The following CHID1 variants were observed in gnomAD, a reference collection of about 807,000 sequenced individuals.
The protein encoded by CHID1 is chitinase domain containing 1, also known as chitinase domain-containing protein 1.
A neutral mutation model predicts 55.4 loss-of-function variants in CHID1; 44 were observed. That is an observed-to-expected ratio of 0.79 (90% CI 0.62 to 1.02). CHID1 has a LOEUF of 1.02. Ranked by LOEUF, CHID1 falls within the 50% of genes least tolerant of loss-of-function variation. The pLI is 0.00. For synonymous variants in CHID1, 216 were observed against 212.9 expected (o/e 1.01, Z -0.13); for missense variants, 491 against 515.3 (o/e 0.95, Z 0.46).
At position 869,917 on chromosome 11, in the gene CHID1, C is replaced by A. The variant is rs556045828; in HGVS notation, c.1123G>T (p.Val375Phe). 6.2e-7 allele frequency: 1 copy of A among 1,612,814 alleles called. No homozygotes were observed. Among genetic ancestry groups the A allele is most frequent in the Non-Finnish European group, 8.5e-7 (1 of 1,179,878 alleles). ...VRLELARELGVGVSIWELGQG... is the reference protein window; with the variant it reads ...VRLELARELGFGVSIWELGQG... ...CCCAGCTCCCAGATAGAGACCCCAACGCCCAGCTCCCGGGCCAGCTCCAGC... is the reference window on the plus strand; with the variant it reads ...CCCAGCTCCCAGATAGAGACCCCAAAGCCCAGCTCCCGGGCCAGCTCCAGC... The change falls in exon 13 of 13, where the codon GTT becomes TTT. Residue 375 changes from valine to phenylalanine, a missense_variant. Coordinates refer to ENST00000323578, the MANE Select transcript of CHID1 (RefSeq NM_023947.4).
chr11:889,164 G>A (rs559971230), intron 8 of CHID1, among the ~76,000 whole-genome samples: 9 of 152,236 alleles, frequency 5.9e-5, no homozygotes, highest in African/African-American at 1.9e-4. Context: ...CCAGAACAGC[G>A]TCCTCCCAGA....
intron 8 of CHID1, among the ~76,000 whole-genome samples, chr11:887,608 T>C (rs1850494981): frequency 6.6e-6 from 1 of 152,228 alleles, no homozygotes; most frequent in African/African-American, 2.4e-5. Flanking sequence ...GGCTCCTACT[T>C]TGCCAATCTC....
chr11:914,649 G>T, upstream of CHID1: 1 of 994,878 alleles, frequency 1.0e-6, no homozygotes, highest in Non-Finnish European at 1.4e-6. Context: ...CTTGAGCCCA[G>T]GACATCAAGG....
intron 1 of CHID1, among the ~76,000 whole-genome samples, chr11:908,939 A>G (rs1370018775): frequency 1.3e-5 from 2 of 152,224 alleles, no homozygotes; most frequent in Admixed American, 6.5e-5. Flanking sequence ...AGCAGAGGGG[A>G]CACTAGGAGA....
upstream of CHID1, among the ~76,000 whole-genome samples, chr11:913,474 C>G (rs1347763684): frequency 6.6e-6 from 1 of 151,828 alleles, no homozygotes; most frequent in African/African-American, 2.4e-5. Context: ...TGCAGAAGCC[C>G]CTTTAAAGTG....
chr11:910,948 G>A (rs557504101), upstream of CHID1: 3 of 403,378 alleles, frequency 7.4e-6, no homozygotes, highest in Non-Finnish European at 1.0e-5. Flanking sequence ...CGGGGCCGGG[G>A]CCGGGGCCGG....
intron 8 of CHID1, among the ~76,000 whole-genome samples, 178 bp from the exon 9 acceptor site, chr11:884,347 G>A (rs1850238126): frequency 6.6e-6 from 1 of 152,160 alleles, no homozygotes; most frequent in Admixed American, 6.5e-5. Flanking sequence ...CTGGGGGCTG[G>A]GAGACACAGG....
rs1434130700 is a variant in CHID1 at position 909,409 on chromosome 11, C to G, written c.-44+1366G>C. Among the ~76,000 whole-genome samples, 3 of 152,234 alleles carry G rather than the reference C, an allele frequency of 2.0e-5. No individual in the cohort carries two copies. The East Asian group carries it at 5.8e-4, about 29-fold the overall frequency. ...TGGTCACCCAAAGGGGTCCCAGAAACCGCTCTGTAACAAGATAAGGTGGAG... is the reference window on the plus strand; with the variant it reads ...TGGTCACCCAAAGGGGTCCCAGAAAGCGCTCTGTAACAAGATAAGGTGGAG... On this transcript the variant is annotated intron_variant, in intron 1 of 12. Coordinates refer to ENST00000323578, the MANE Select transcript of CHID1 (RefSeq NM_023947.4).
chr11:881,838 C>T (rs986255698), intron 10 of CHID1, among the ~76,000 whole-genome samples: 4 of 150,452 alleles, frequency 2.7e-5, no homozygotes, highest in South Asian at 2.1e-4. Context: ...CCTGTCTCTA[C>T]AAAAAAAATA....
chr11:884,522 A>G (rs1474379795), intron 8 of CHID1, among the ~76,000 whole-genome samples: 1 of 152,094 alleles, frequency 6.6e-6, no homozygotes, highest in African/African-American at 2.4e-5. Context: ...GGTTGCTGAG[A>G]TGGAGGTGAC....
upstream of CHID1, among the ~76,000 whole-genome samples, chr11:913,756 G>C (rs1272956950): frequency 1.4e-5 from 2 of 144,114 alleles, no homozygotes; most frequent in African/African-American, 5.2e-5. Context: ...CTGGGCAACA[G>C]AGTGAGACTC....
Position 873,763 on chromosome 11 carries a change from C to A in CHID1, c.960-3264G>T, listed in dbSNP as rs551244609. The stretch of plus-strand genomic sequence containing the variant: ...GCACAGGGCTTCTTTTTTTGGGGAG[C>A]AGTAATGCGGGCTGTACAATTCTGG... On this transcript the variant is annotated intron_variant, in intron 10 of 12. Coordinates refer to ENST00000323578, the MANE Select transcript of CHID1 (RefSeq NM_023947.4). Among the ~76,000 whole-genome samples, 3 of 152,062 alleles carry A rather than the reference C, an allele frequency of 2.0e-5. No individual in the cohort carries two copies. The South Asian group carries it at 6.3e-4, about 32-fold the overall frequency.
At chr11:878,897 A>T (rs1849699697) in intron 10 of CHID1, among the ~76,000 whole-genome samples, 1 of 151,722 alleles carries the variant, frequency 6.6e-6, no homozygotes, top group Non-Finnish European at 1.5e-5. Context: ...CCCAGGCTGG[A>T]GTGCAGTGGT....
At chr11:879,571 G>A (rs879102505) in intron 10 of CHID1, among the ~76,000 whole-genome samples, 1 of 41,006 alleles carries the variant, frequency 2.4e-5, no homozygotes, top group African/African-American at 1.3e-4. Context: ...CCTGGGAGGA[G>A]CCGACCCCAC....
intron 7 of CHID1, 146 bp from the exon 8 acceptor site, chr11:893,665 T>C: frequency 1.6e-6 from 1 of 613,794 alleles, no homozygotes; most frequent in Non-Finnish European, 2.9e-6. Flanking sequence ...TCGTGGGAAC[T>C]TCCTATCCAT....
chr11:892,284 A>G (rs1850899353), intron 8 of CHID1, among the ~76,000 whole-genome samples: 1 of 152,146 alleles, frequency 6.6e-6, no homozygotes, highest in Non-Finnish European at 1.5e-5. Flanking sequence ...CACCAGCACC[A>G]CCCACAGGTC....
chr11:883,234 CCACTTGGACTTCGGG>C lies in CHID1; in HGVS notation c.858_872del (p.Asp286_Trp291delinsGlu). 1 of 1,614,200 alleles carries C rather than the reference CCACTTGGACTTCGGG, an allele frequency of 6.2e-7. No homozygotes were observed. The highest frequency in any genetic ancestry group is 8.5e-7 in the Non-Finnish European group (1 of 1,180,018). ...TGAGCCCCAGGAGGATTTTGCTTCG[CCACTTGGACTTCGGG>C]TCCAGGACCTGGACGCAGGCTCGAA... is the stretch of plus-strand genomic sequence containing the variant. On this transcript the variant is annotated inframe_deletion, in exon 10 of 13. Transcript: ENST00000323578.
chr11:911,715 C>T (rs1016651318), upstream of CHID1, among the ~76,000 whole-genome samples: 3 of 152,208 alleles, frequency 2.0e-5, no homozygotes, highest in Non-Finnish European at 2.9e-5. Context: ...CCAGCTGACG[C>T]CCACGCCTTT....
rs573104178 is a variant in CHID1, at chr11:872,992, G to C, written c.960-2493C>G. Among the ~76,000 whole-genome samples the C allele has an allele frequency of 3.2e-4, 48 of 152,320 alleles. No individual in the cohort carries two copies. The East Asian group carries it at 8.5e-3, about 27-fold the overall frequency. On this transcript the variant is annotated intron_variant, in intron 10 of 12. Transcript: ENST00000323578. ...CCTGGTGGTTTGGCGAGTGGGTGGT[G>C]ACCACGCTGTGGGGGCAGCCATGAC...
Sources: allele counts gnomAD v4.1 joint callset (sites outside exome capture counted in the v4.1 genomes callset), GRCh38; gene constraint gnomAD v4.1.1; transcripts MANE v1.5; gene names NCBI Gene and HGNC (gene_info 2026-07-23, HGNC 2026-07-21).